KDM2A: variants seen among roughly 807,000 people sequenced by gnomAD.
The protein encoded by KDM2A is lysine demethylase 2A, also known as lysine-specific demethylase 2A.
In KDM2A, 3 loss-of-function variants were observed where a neutral mutation model predicts 137.3. That is an observed-to-expected ratio of 0.02 (90% CI 0.01 to 0.06). The LOEUF is 0.06. KDM2A is among the 10% of genes least tolerant of loss of function. KDM2A has a pLI of 1.00. For synonymous variants in KDM2A, 512 were observed against 541.5 expected (o/e 0.95, Z 0.76); for missense variants, 738 against 1,510.6 (o/e 0.49, Z 8.48).
At chr11:67,167,833 C>T (rs1342906843) in intron 2 of KDM2A, among the ~76,000 whole-genome samples, 1 of 152,158 alleles carries the variant, frequency 6.6e-6, no homozygotes, top group African/African-American at 2.4e-5. Context: ...AAAAGAAATG[C>T]AAGCTTTTCA....
chr11:67,182,959 T>C (rs1857123636), intron 5 of KDM2A, among the ~76,000 whole-genome samples: 1 of 152,230 alleles, frequency 6.6e-6, no homozygotes, highest in African/African-American at 2.4e-5. Context: ...GCCATTCCTT[T>C]GCTTTGAAAA....
At position 67,125,563 on chromosome 11, in the gene KDM2A, A is replaced by G. The variant is rs568228490; in HGVS notation, c.42+4205A>G. Among the ~76,000 whole-genome samples the G allele has an allele frequency of 3.3e-5, 5 of 151,746 alleles. No individual in the cohort carries two copies. In the East Asian group the frequency reaches 9.8e-4, roughly 30 times the overall value. On this transcript the variant is annotated intron_variant, in intron 2 of 20. Coordinates refer to ENST00000529006, the MANE Select transcript of KDM2A (RefSeq NM_012308.3). ...TAGGCAGGAGGATCACCTGAGGTCA[A>G]GAGTTTGAGACCAGCCTGGCCAACA...
At chr11:67,133,245 G>A (rs1395777680) in intron 2 of KDM2A, among the ~76,000 whole-genome samples, 3 of 151,956 alleles carry the variant, frequency 2.0e-5, no homozygotes, top group Admixed American at 6.6e-5. Flanking sequence ...GATTACAGGC[G>A]TGCGCCACCA....
At chr11:67,252,307 A>G (rs1590832008) in intron 17 of KDM2A, 2 of 232,612 alleles carry the variant, frequency 8.6e-6, no homozygotes, top group East Asian at 1.1e-4. Flanking sequence ...TTTAGACAGT[A>G]AGAAGTCTAG....
At chr11:67,179,012 C>T (rs1037424435) in intron 2 of KDM2A, among the ~76,000 whole-genome samples, 2 of 152,204 alleles carry the variant, frequency 1.3e-5, no homozygotes, top group African/African-American at 2.4e-5. Flanking sequence ...TACATTCCCA[C>T]CAGCAATGTA....
chr11:67,250,937 T>G lies in KDM2A; in HGVS notation c.2768+139T>G. 2 of 691,630 alleles carry G rather than the reference T, an allele frequency of 2.9e-6. No individual in the cohort carries two copies. Among genetic ancestry groups the G allele is most frequent in the African/African-American group, 1.8e-5 (1 of 56,400 alleles). The allele number at this position is 691,630 out of a possible 1,614,324, so 42.8% of individuals were successfully genotyped here. ...GTGAATTGACCCTTTTTCCCAAACT[T>G]TGGGTCCTGTTTAAAGATGTAGCCT... On this transcript the variant is annotated intron_variant, in intron 17 of 20. Coordinates refer to ENST00000529006, the MANE Select transcript of KDM2A (RefSeq NM_012308.3). This position sits in a 1 kb window ranked among gnomAD's most constrained non-coding sequence, Gnocchi z 7.1.
At chr11:67,239,966 C>G (rs574842247) in intron 12 of KDM2A, 10 of 999,432 alleles carry the variant, frequency 1.0e-5, no homozygotes, top group African/African-American at 8.3e-5. Flanking sequence ...GAACACACCC[C>G]CTCCCGGCTC....
intron 5 of KDM2A, among the ~76,000 whole-genome samples, chr11:67,199,132 G>A (rs528133077): frequency 2.0e-4 from 30 of 152,248 alleles, no homozygotes; most frequent in African/African-American, 7.2e-4. Context: ...GCCATGAACT[G>A]TATCCATATA....
intron 15 of KDM2A, among the ~76,000 whole-genome samples, 182 bp downstream of exon 15, chr11:67,246,298 G>C (rs941473154): frequency 6.6e-6 from 1 of 152,146 alleles, no homozygotes; most frequent in Non-Finnish European, 1.5e-5. Flanking sequence ...CAGGCACTGC[G>C]TTAGACCCTG....
intron 5 of KDM2A, among the ~76,000 whole-genome samples, chr11:67,190,392 A>G (rs928537961): frequency 2.6e-5 from 4 of 152,136 alleles, no homozygotes; most frequent in Non-Finnish European, 4.4e-5. Flanking sequence ...CCTGGGTGAC[A>G]AGAGCAAACC....
chr11:67,175,863 C>T (rs1404469930), intron 2 of KDM2A, among the ~76,000 whole-genome samples: 1 of 152,158 alleles, frequency 6.6e-6, no homozygotes, highest in East Asian at 1.9e-4. Flanking sequence ...TAGCATTGCT[C>T]TTGCTTTATA....
rs764988430 is a variant in KDM2A, at chr11:67,189,851, A to C, written c.307+7959A>C. ...GAGACTCTGTGTCAAAAAACAAACA[A>C]ACACCAGTCTCTTTAACAAAAGAAG... On this transcript the variant is annotated intron_variant, in intron 5 of 20. Transcript: ENST00000529006. 5.3e-5 allele frequency among the ~76,000 whole-genome samples: 8 copies of C among 152,124 alleles called. No individual in the cohort carries two copies. The South Asian group carries it at 8.3e-4, about 16-fold the overall frequency.
intron 10 of KDM2A, among the ~76,000 whole-genome samples, chr11:67,223,208 A>C (rs1257185089): frequency 6.6e-6 from 1 of 151,786 alleles, no homozygotes; most frequent in Admixed American, 6.6e-5. Flanking sequence ...AAAAAAAAAA[A>C]AATTATTTCC....
At chr11:67,205,015 G>A (rs1857759935) in intron 5 of KDM2A, among the ~76,000 whole-genome samples, 3 of 152,062 alleles carry the variant, frequency 2.0e-5, no homozygotes, top group Admixed American at 2.0e-4. Context: ...TTAGATATAT[G>A]CCTAGAAGTG....
intron 5 of KDM2A, chr11:67,196,512 G>A (rs1422000782): frequency 2.2e-6 from 1 of 455,396 alleles, no homozygotes; most frequent in African/African-American, 2.0e-5. Flanking sequence ...AGCATAATGT[G>A]CTATTTCCAT....
At chr11:67,230,549 C>T (rs982788501) in intron 11 of KDM2A, among the ~76,000 whole-genome samples, 4 of 151,810 alleles carry the variant, frequency 2.6e-5, no homozygotes, top group Non-Finnish European at 4.4e-5. Context: ...TTGCTTGAGC[C>T]CAGGAGGTTG....
intron 5 of KDM2A, among the ~76,000 whole-genome samples, chr11:67,195,394 A>AT (rs1555089326): frequency 1.3e-5 from 2 of 150,606 alleles, no homozygotes; most frequent in Admixed American, 1.3e-4. Context: ...AAAAAAAAAA[A>AT]GTTGAATAAC....
chr11:67,121,775 G>A (rs536507471), intron 2 of KDM2A, among the ~76,000 whole-genome samples: 81 of 152,302 alleles, frequency 5.3e-4, no homozygotes, highest in African/African-American at 1.9e-3. Context: ...CAGGATTTGT[G>A]ACTTTGAGCG....
intron 1 of KDM2A, among the ~76,000 whole-genome samples, 197 bp from the exon 2 acceptor site, chr11:67,121,037 C>T (rs1855587531): frequency 6.6e-6 from 1 of 152,072 alleles, no homozygotes; most frequent in African/African-American, 2.4e-5. Context: ...TCGTCTAGGC[C>T]TCCGACAGTT....
Sources: gnomAD v4.1 joint callset for allele counts (sites outside exome capture counted in the v4.1 genomes callset) on GRCh38, gnomAD v4.1.1 for gene constraint, Gnocchi (gnomAD v3.1) non-coding constraint, MANE v1.5 for transcripts, NCBI Gene and HGNC (gene_info 2026-07-23, HGNC 2026-07-21) for gene names.